Variants in IL1RL2 observed in about 807,000 individuals in gnomAD.
IL1RL2 encodes interleukin 1 receptor like 2.
IL1RL2 carries 68 observed loss-of-function variants against 66.8 expected under a neutral mutation model. The ratio of observed to expected loss-of-function variants is 1.02; its 90% CI spans 0.84 to 1.25. The LOEUF is 1.25. Among genes scored for constraint, IL1RL2 ranks in the 50% most tolerant of loss-of-function variants. The pLI, the probability that IL1RL2 is intolerant of heterozygous loss-of-function variation, is 0.00. For missense variants in IL1RL2, 729 were observed against 709.3 expected (o/e 1.03, Z -0.32); for synonymous variants, 305 against 264.6 (o/e 1.15, Z -1.48).
rs1210581400 is a variant in IL1RL2, at chr2:102,187,204, C to A, written c.-13+118C>A. The A allele has an allele frequency of 3.3e-6, 4 of 1,218,164 alleles. No individual in the cohort carries two copies. In the African/African-American group the frequency reaches 4.7e-5, roughly 14 times the overall value. The allele number at this position is 1,218,164 out of a possible 1,614,324, so 75.5% of individuals were successfully genotyped here. A position where few individuals can be genotyped will look rare whatever the true frequency, so the allele number is the denominator to read the frequency against. ...TGCCACCGCAGGCCAGGGATCAGGCCCCCCAGGCCGGCCCCCGACCGGCTA... is the reference window on the plus strand; with the variant it reads ...TGCCACCGCAGGCCAGGGATCAGGCACCCCAGGCCGGCCCCCGACCGGCTA... On this transcript the variant is annotated intron_variant, in intron 1 of 11. Coordinates refer to ENST00000264257, the MANE Select transcript of IL1RL2 (RefSeq NM_003854.4).
At chr2:102,201,759 T>C in intron 5 of IL1RL2, 44 bp downstream of exon 5, 1 of 1,583,226 alleles carries the variant, frequency 6.3e-7, no homozygotes, top group African/African-American at 1.3e-5. Context: ...TTCTCTTGGC[T>C]TTGTGTGAAC....
chr2:102,201,859 T>A, intron 5 of IL1RL2, 144 bp downstream of exon 5: 2 of 694,670 alleles, frequency 2.9e-6, no homozygotes, highest in Non-Finnish European at 4.8e-6. Flanking sequence ...GACCTGCCAC[T>A]GTTAGAATCA....
chr2:102,215,726 G>T (rs1342981731), intron 6 of IL1RL2, among the ~76,000 whole-genome samples: 2 of 152,152 alleles, frequency 1.3e-5, no homozygotes, highest in Admixed American at 6.5e-5. Context: ...AACTCCTGCA[G>T]CCTAGGCCAC....
rs1216485205 is a variant in IL1RL2, at chr2:102,228,405, C to T, written c.1135+2364C>T. On this transcript the variant is annotated intron_variant, in intron 9 of 11. Coordinates refer to ENST00000264257, the MANE Select transcript of IL1RL2 (RefSeq NM_003854.4). ...ACTAGGTTAGCTAAGCTGTATCACT[C>T]AATTAATAATTAGGTGTGCATGACT... 5.9e-5 allele frequency among the ~76,000 whole-genome samples: 9 copies of T among 152,202 alleles called. No individual in the cohort carries two copies. The East Asian group carries it at 1.2e-3, about 20-fold the overall frequency.
chr2:102,234,922 C>T lies in IL1RL2; in HGVS notation c.1323C>T (p.Asn441=), dbSNP rs374112148. The change falls in exon 11 of 12, where the codon AAC becomes AAT. Residue 441 remains asparagine, a synonymous_variant. Transcript: ENST00000264257. ...GQAVANVIDE[N]VKLCRRLIVI... ...CCGTGGCCAATGTCATCGATGAAAACGTTAAGCTGTGCAGGAGGCTGATTG... is the reference window on the plus strand; with the variant it reads ...CCGTGGCCAATGTCATCGATGAAAATGTTAAGCTGTGCAGGAGGCTGATTG... 70 of 1,613,616 alleles carry T rather than the reference C, an allele frequency of 4.3e-5. No homozygotes were observed. Among genetic ancestry groups the T allele is most frequent in the Middle Eastern group, 1.6e-4 (1 of 6,084 alleles).
chr2:102,187,451 C>G (rs1448315441), intron 1 of IL1RL2: 28 of 1,010,880 alleles, frequency 2.8e-5, no homozygotes, highest in Non-Finnish European at 3.4e-5. Context: ...AGGCTCCGTG[C>G]GCCGCGAGCG....
rs985388519 is a variant in IL1RL2 at position 102,239,386 on chromosome 2, A to G, written c.*145A>G. 6.9e-6 allele frequency: 5 copies of G among 729,646 alleles called. No homozygotes were observed. The highest frequency in any genetic ancestry group is 1.5e-5 in the South Asian group (1 of 64,986). 45.2% of individuals were successfully genotyped at this position (729,646 alleles called of 1,614,324 possible). On this transcript the variant is annotated 3_prime_UTR_variant, in exon 12 of 12. Coordinates refer to ENST00000264257, the MANE Select transcript of IL1RL2 (RefSeq NM_003854.4). ...GAGCTCAGGCGTAGAGAAGAGGAGG[A>G]TGGGATAAGAACTGGGGCCATCCCC...
downstream of IL1RL2, among the ~76,000 whole-genome samples, chr2:102,240,219 T>G (rs760072877): frequency 2.0e-4 from 30 of 152,294 alleles, no homozygotes; most frequent in Admixed American, 7.8e-4. Context: ...ATGAGGGTCA[T>G]GCACAATAGC....
chr2:102,225,940 T>G lies in IL1RL2; in HGVS notation c.1034T>G (p.Leu345Trp), dbSNP rs1177469085. 6.2e-7 allele frequency: 1 copy of G among 1,607,750 alleles called. No homozygotes were observed. Among genetic ancestry groups the G allele is most frequent in the Non-Finnish European group, 8.5e-7 (1 of 1,176,702 alleles). The change falls in exon 9 of 12, where the codon TTG becomes TGG. Residue 345 changes from leucine to tryptophan, a missense_variant. Transcript: ENST00000264257. ...TACTTGATAGGAGGGCTTATCGCCT[T>G]GGTGGCTGTGGCTGTGTCTGTTGTG... ...RAYLIGGLIA[L>W]VAVAVSVVYI...
At chr2:102,196,038 A>G (rs1399287114) in intron 4 of IL1RL2, among the ~76,000 whole-genome samples, 1 of 151,936 alleles carries the variant, frequency 6.6e-6, no homozygotes, top group African/African-American at 2.4e-5. Flanking sequence ...TTATTATGGC[A>G]TTAGATAAGT....
In IL1RL2 at chr2:102,219,930, T is replaced by C. The variant is rs1030393446; in HGVS notation, c.904T>C (p.Phe302Leu). Residue 302 changes from phenylalanine (F) to leucine (L), a missense_variant, in exon 8 of 12, where the codon TTC becomes CTC. Coordinates refer to ENST00000264257, the MANE Select transcript of IL1RL2 (RefSeq NM_003854.4). Reference protein sequence around the residue: ...EHNLYTVNITFLEVKMEDYGL... With the variant: ...EHNLYTVNITLLEVKMEDYGL... ...TAATTTGTACACAGTAAACATCACCTTCTTGGAAGTGAAAATGGAAGATTA... is the reference window on the plus strand; with the variant it reads ...TAATTTGTACACAGTAAACATCACCCTCTTGGAAGTGAAAATGGAAGATTA... 6 of 1,613,648 alleles carry C rather than the reference T, an allele frequency of 3.7e-6. No individual in the cohort carries two copies. The highest frequency in any genetic ancestry group is 1.3e-5 in the African/African-American group (1 of 74,932).
rs33963495 is a variant in IL1RL2 at position 102,239,220 on chromosome 2, G to A, written c.1707G>A (p.Lys569=). 673 of 1,614,076 alleles carry A rather than the reference G, an allele frequency of 4.2e-4. 4 individuals are homozygous for A. The African/African-American group carries it at 8.2e-3, about 20-fold the overall frequency. ...AGPELGSRRK[K]CTLTTG ...CAGAACTAGGCTCAAGAAGAAAGAAGTGTACTCTCACGACTGGCTAAGACT... is the reference window on the plus strand; with the variant it reads ...CAGAACTAGGCTCAAGAAGAAAGAAATGTACTCTCACGACTGGCTAAGACT... The change falls in exon 12 of 12, where the codon AAG becomes AAA. Residue 569 remains lysine (K), a synonymous_variant. Coordinates refer to ENST00000264257, the MANE Select transcript of IL1RL2 (RefSeq NM_003854.4).
At chr2:102,202,866 T>TC (rs1688387285) in intron 5 of IL1RL2, among the ~76,000 whole-genome samples, 1 of 152,192 alleles carries the variant, frequency 6.6e-6, no homozygotes, top group African/African-American at 2.4e-5. Flanking sequence ...TTGGATGCCG[T>TC]TTATATCTTT....
intron 9 of IL1RL2, among the ~76,000 whole-genome samples, chr2:102,228,919 T>C (rs1201217881): frequency 6.6e-6 from 1 of 152,158 alleles, no homozygotes; most frequent in African/African-American, 2.4e-5. Context: ...AAGGGCATGG[T>C]GTAGGGAAGC....
At chr2:102,217,355 A>G (rs977544440) in intron 6 of IL1RL2, among the ~76,000 whole-genome samples, 1 of 152,188 alleles carries the variant, frequency 6.6e-6, no homozygotes, top group Non-Finnish European at 1.5e-5. Context: ...TACAGATTCA[A>G]TGCAATCCCT....
intron 5 of IL1RL2, among the ~76,000 whole-genome samples, chr2:102,207,784 C>T (rs112327438): frequency 7.1e-4 from 108 of 152,314 alleles, no homozygotes; most frequent in African/African-American, 2.5e-3. Flanking sequence ...TCCAGTCCAC[C>T]GTCTCTGGGC....
intron 5 of IL1RL2, among the ~76,000 whole-genome samples, chr2:102,206,227 C>T (rs1225494003): frequency 6.6e-6 from 1 of 152,152 alleles, no homozygotes; most frequent in Non-Finnish European, 1.5e-5. Context: ...TATCTCTGTT[C>T]CTTCAGGATT....
At chr2:102,212,725 T>C (rs1689278505) in intron 6 of IL1RL2, among the ~76,000 whole-genome samples, 1 of 152,118 alleles carries the variant, frequency 6.6e-6, no homozygotes, top group African/African-American at 2.4e-5. Context: ...TCCCAGCACT[T>C]TAGGAGGCTG....
At chr2:102,212,859 C>T (rs1319272834) in intron 6 of IL1RL2, among the ~76,000 whole-genome samples, 2 of 152,004 alleles carry the variant, frequency 1.3e-5, no homozygotes. Flanking sequence ...GTCCCAGCTA[C>T]TTGGGAGGCC....
Sources: gnomAD v4.1 joint callset for allele counts (sites outside exome capture counted in the v4.1 genomes callset) on GRCh38, gnomAD v4.1.1 for gene constraint, MANE v1.5 for transcripts, NCBI Gene and HGNC (gene_info 2026-07-23, HGNC 2026-07-21) for gene names.